The following ERLEC1 variants were observed in gnomAD, a reference collection of about 807,000 sequenced individuals.
The protein encoded by ERLEC1 is ER lectin.
A neutral mutation model predicts 68.0 loss-of-function variants in ERLEC1; 47 were observed. The ratio of observed to expected loss-of-function variants is 0.69; its 90% confidence interval spans 0.55 to 0.88. The LOEUF is 0.88. Among genes scored for constraint, ERLEC1 ranks in the 40% least tolerant of loss-of-function variants. ERLEC1 has a pLI of 0.00. For missense variants in ERLEC1, 567 were observed against 583.8 expected (o/e 0.97, Z 0.30); for synonymous variants, 225 against 203.2 (o/e 1.11, Z -0.91).
chr2:53,805,741 T>G (rs915578443), intron 8 of ERLEC1, among the ~76,000 whole-genome samples: 3 of 152,238 alleles, frequency 2.0e-5, no homozygotes, highest in Non-Finnish European at 4.4e-5. Flanking sequence ...TGTATAGTGT[T>G]TGTACTAATT....
At chr2:53,787,459 C>G (rs987482849) in intron 1 of ERLEC1, 87 bp downstream of exon 1, 1 of 1,461,904 alleles carries the variant, frequency 6.8e-7, no homozygotes, top group Non-Finnish European at 9.2e-7. Flanking sequence ...GCTTTTTCTC[C>G]CCAAGACCTT....
chr2:53,812,792 A>C (rs1676659368), intron 10 of ERLEC1, among the ~76,000 whole-genome samples, 157 bp from the exon 11 acceptor site: 1 of 152,218 alleles, frequency 6.6e-6, no homozygotes, highest in Non-Finnish European at 1.5e-5. Context: ...AATGTGCTTA[A>C]ATTTCCACTC....
rs1211549474 is a variant in ERLEC1 at position 53,794,375 on chromosome 2, A to G, written c.193A>G (p.Asn65Asp). The change falls in exon 2 of 14, where the codon AAT becomes GAT. Residue 65 changes from asparagine (N) to aspartate (D), a missense_variant. Coordinates refer to ENST00000185150, the MANE Select transcript of ERLEC1 (RefSeq NM_015701.5). ...PTTGVLYKED[N>D]YVIMTTAHKE... is the part of the protein sequence containing the mutation. ...AACTGGAGTTTTATATAAAGAAGAT[A>G]ATTATGTCATCATGACAACTGCACA... 1 of 1,577,958 alleles carries G rather than the reference A, an allele frequency of 6.3e-7. No homozygotes were observed.
intron 6 of ERLEC1, among the ~76,000 whole-genome samples, chr2:53,800,053 C>A (rs936860291): frequency 1.3e-5 from 2 of 152,092 alleles, no homozygotes; most frequent in African/African-American, 4.8e-5. Context: ...ATGTTTAATT[C>A]TCCCAAAAAC....
chr2:53,790,177 T>G (rs1573060455), intron 1 of ERLEC1, among the ~76,000 whole-genome samples: 2 of 151,626 alleles, frequency 1.3e-5, no homozygotes, highest in East Asian at 3.9e-4. Context: ...TACTGCAACT[T>G]CTGCCTCCCG....
rs569861605 is a variant in ERLEC1, at chr2:53,800,600, A to G, written c.526-797A>G. Among the ~76,000 whole-genome samples the G allele has an allele frequency of 4.6e-5, 7 of 152,240 alleles. No individual in the cohort carries two copies. The South Asian group carries it at 1.0e-3, about 23-fold the overall frequency. On this transcript the variant is annotated intron_variant, in intron 6 of 13. Transcript: ENST00000185150. Reference sequence around the variant, plus strand: ...ATAGTGCTGATAGGGTACTAAAGTGATAGAAGATGAGATCCCTGCCTCCAA... The same window carrying G: ...ATAGTGCTGATAGGGTACTAAAGTGGTAGAAGATGAGATCCCTGCCTCCAA...
intron 10 of ERLEC1, among the ~76,000 whole-genome samples, chr2:53,810,095 C>T (rs1004075879): frequency 6.6e-5 from 10 of 151,922 alleles, no homozygotes; most frequent in Admixed American, 3.3e-4. Context: ...AAAAAAAGAA[C>T]GAAAATAAAT....
At chr2:53,811,061 C>T (rs1420917704) in intron 10 of ERLEC1, among the ~76,000 whole-genome samples, 1 of 152,082 alleles carries the variant, frequency 6.6e-6, no homozygotes, top group East Asian at 1.9e-4. Context: ...ATATATAGAT[C>T]TTGGTATAAC....
At chr2:53,794,858 T>C (rs1256110315) in intron 2 of ERLEC1, among the ~76,000 whole-genome samples, 1 of 152,010 alleles carries the variant, frequency 6.6e-6, no homozygotes, top group African/African-American at 2.4e-5. Context: ...TTTTACCATG[T>C]TGGCCAGGAT....
intron 13 of ERLEC1, among the ~76,000 whole-genome samples, chr2:53,815,956 A>G (rs1474469723): frequency 1.3e-5 from 2 of 151,362 alleles, no homozygotes; most frequent in Admixed American, 6.6e-5. Context: ...TATTGCACAT[A>G]TTTTTTTCTC....
At chr2:53,806,827 A>T (rs1236612090) in intron 8 of ERLEC1, among the ~76,000 whole-genome samples, 2 of 152,144 alleles carry the variant, frequency 1.3e-5, no homozygotes, top group African/African-American at 4.8e-5. Context: ...TAATCGGTGC[A>T]CTCACTTTTT....
In ERLEC1 at chr2:53,816,899, C is replaced by G. The variant is rs192335520; in HGVS notation, c.1381-999C>G. On this transcript the variant is annotated intron_variant, in intron 13 of 13. Coordinates refer to ENST00000185150, the MANE Select transcript of ERLEC1 (RefSeq NM_015701.5). ...TTTATTCTGCTCCATTCTTTTTCTC[C>G]TCTATTTCTGATACTCCAATAAGAC... Among the ~76,000 whole-genome samples, 8 of 152,156 alleles carry G rather than the reference C, an allele frequency of 5.3e-5. No homozygotes were observed. In the East Asian group the frequency reaches 1.5e-3, roughly 29 times the overall value.
Position 53,817,911 on chromosome 2 carries a change from T to C in ERLEC1, c.1394T>C (p.Val465Ala). ...GTTCTTCTTTAGGTTGAATCTCCAG[T>C]GATCTGTAAAATCTTAGATACAGCA... ...CQYILGVESP[V>A]ICKILDTADE... Residue 465 changes from valine to alanine, a missense_variant, in exon 14 of 14, where the codon GTG becomes GCG. Val to Ala is a moderately conservative substitution (Grantham distance 64). Coordinates refer to ENST00000185150, the MANE Select transcript of ERLEC1 (RefSeq NM_015701.5). 1 of 1,607,366 alleles carries C rather than the reference T, an allele frequency of 6.2e-7. No individual in the cohort carries two copies. Among genetic ancestry groups the C allele is most frequent in the Non-Finnish European group, 8.5e-7 (1 of 1,174,196 alleles).
In ERLEC1 at chr2:53,787,114, A is replaced by G. The variant is rs77276223; in HGVS notation, c.-97A>G. 1.1e-3 allele frequency: 1,505 copies of G among 1,358,454 alleles called. 17 individuals are homozygous for G. In the African/African-American group the frequency reaches 0.02, roughly 18 times the overall value. The allele number at this position is 1,358,454 out of a possible 1,614,324, so 84.2% of individuals were successfully genotyped here. A position where few individuals can be genotyped will look rare whatever the true frequency, so the allele number is the denominator to read the frequency against. On this transcript the variant is annotated 5_prime_UTR_variant, in exon 1 of 14. Transcript: ENST00000185150. ...TGGGCCGGTGATACCCGGGCGCTTT[A>G]TAGTCCCGCCGCCTCCTCCTCCACC...
At chr2:53,813,527 T>G (rs1573106069) in intron 11 of ERLEC1, among the ~76,000 whole-genome samples, 1 of 152,134 alleles carries the variant, frequency 6.6e-6, no homozygotes, top group Admixed American at 6.5e-5. Context: ...GAACTGAGGG[T>G]GTTTTTTAAA....
rs374779928 is a variant in ERLEC1, at chr2:53,808,337, G to T, written c.918G>T (p.Ala306=). The T allele has an allele frequency of 1.2e-6, 2 of 1,613,984 alleles. No individual in the cohort carries two copies. Among genetic ancestry groups the T allele is most frequent in the African/African-American group, 2.7e-5 (2 of 74,920 alleles). The change falls in exon 9 of 14, where the codon GCG becomes GCT. Residue 306 remains alanine, a synonymous_variant. Coordinates refer to ENST00000185150, the MANE Select transcript of ERLEC1 (RefSeq NM_015701.5). ...LQSTKEERFP[A]IHKSIAIGSQ... Reference sequence around the variant, plus strand: ...CAACTAAAGAAGAGAGATTTCCAGCGATCCACAAGTCGATTGCTATTGGCT... The same window carrying T: ...CAACTAAAGAAGAGAGATTTCCAGCTATCCACAAGTCGATTGCTATTGGCT...
At position 53,812,951 on chromosome 2, in the gene ERLEC1, C is replaced by CA. The variant is rs773274960; in HGVS notation, c.1106dup (p.Asp370GlyfsTer2). 5.6e-6 allele frequency: 9 copies of CA among 1,607,542 alleles called. No individual in the cohort carries two copies. Among genetic ancestry groups the CA allele is most frequent in the Non-Finnish European group, 7.6e-6 (9 of 1,178,698 alleles). ...CACAAATTTTTTTCCCATATTAGGACAAGGATAGTGGGAAAACCTCTGTGG... is the reference window on the plus strand; with the variant it reads ...CACAAATTTTTTTCCCATATTAGGACAAAGGATAGTGGGAAAACCTCTGTGG... On this transcript the variant is annotated frameshift_variant, in exon 11 of 14. Coordinates refer to ENST00000185150, the MANE Select transcript of ERLEC1 (RefSeq NM_015701.5). LOFTEE classifies it high-confidence loss of function.
At chr2:53,812,068 C>T (rs1021970282) in intron 10 of ERLEC1, among the ~76,000 whole-genome samples, 2 of 152,200 alleles carry the variant, frequency 1.3e-5, no homozygotes, top group African/African-American at 4.8e-5. Flanking sequence ...CAGGCATGCG[C>T]CAGCACGCCC....
rs1309788534 is a variant in ERLEC1, at chr2:53,799,065, A to AG, written c.511dup (p.Glu171GlyfsTer5). On this transcript the variant is annotated frameshift_variant, in exon 6 of 14. Transcript: ENST00000185150. LOFTEE classifies it high-confidence loss of function. ...TCCACAGAACGAGAAGCAGAAGAAA[A>AG]GGAAAAATCAAATGAGGCAAGTGAC... 1.9e-6 allele frequency: 3 copies of AG among 1,612,502 alleles called. No homozygotes were observed. In the South Asian group the frequency reaches 3.3e-5, roughly 18 times the overall value.
Sources: allele counts gnomAD v4.1 joint callset (sites outside exome capture counted in the v4.1 genomes callset), GRCh38; gene constraint gnomAD v4.1.1; transcripts MANE v1.5; gene names NCBI Gene and HGNC (gene_info 2026-07-23, HGNC 2026-07-21).